ABCB4: variants seen among roughly 807,000 people sequenced by gnomAD.
ABCB4 encodes ATP binding cassette subfamily B member 4, also known as phosphatidylcholine translocator ABCB4.
In ABCB4, 76 loss-of-function variants were observed where a neutral mutation model predicts 145.7. The observed-to-expected ratio is 0.52, with a 90% CI of 0.43 to 0.63. ABCB4 has a LOEUF of 0.63. Among genes scored for constraint, ABCB4 ranks in the 30% least tolerant of loss-of-function variants. The pLI is 0.00. For missense variants in ABCB4, 1,234 were observed against 1,553.1 expected, an observed-to-expected ratio of 0.79 and a Z score of 3.45; for synonymous variants, 517 against 566.8, an observed-to-expected ratio of 0.91 and a Z score of 1.25.
chr7:87,392,684 T>G, the ABCB4 span: 1 of 1,609,978 alleles, frequency 6.2e-7, no homozygotes, highest in South Asian at 1.1e-5. Flanking sequence ...AAATCTCTCA[T>G]GGTGAAAAAT....
At chr7:87,376,610 A>T in the ABCB4 span, among the ~76,000 whole-genome samples, 1 of 152,000 alleles carries the variant, frequency 6.6e-6, no homozygotes, top group Non-Finnish European at 1.5e-5. Flanking sequence ...CAAGGATTGG[A>T]AAACCTTGTA....
At chr7:87,456,892 T>A (rs1186870261) in intron 4 of ABCB4, among the ~76,000 whole-genome samples, 1 of 151,986 alleles carries the variant, frequency 6.6e-6, no homozygotes, top group Non-Finnish European at 1.5e-5. Flanking sequence ...GTGTGTTGCC[T>A]GAAAAGTCAT....
chr7:87,470,539 C>G (rs978911514), intron 3 of ABCB4, among the ~76,000 whole-genome samples: 1 of 151,994 alleles, frequency 6.6e-6, no homozygotes, highest in African/African-American at 2.4e-5. Flanking sequence ...AAAACAACCC[C>G]ACCAACAAGT....
chr7:87,443,712 A>C lies in ABCB4; in HGVS notation c.1181T>G (p.Leu394Trp), dbSNP rs766831242. The C allele has an allele frequency of 6.2e-7, 1 of 1,614,088 alleles. No individual in the cohort carries two copies. The highest frequency in any genetic ancestry group is 1.1e-5 in the South Asian group (1 of 91,076). The change falls in exon 11 of 28, where the codon TTG becomes TGG. Residue 394 changes from leucine to tryptophan, a missense_variant. Leu to Trp is a moderately conservative substitution (Grantham distance 61). Coordinates refer to ENST00000649586, the MANE Select transcript of ABCB4 (RefSeq NM_000443.4). ...GHKPDSIKGN[L>W]EFNDVHFSYP... ...AGAAAAGTGAACATCATTGAACTCCAAATTCCCTTTGATGCTGTCTGGTTT... is the reference window on the plus strand; with the variant it reads ...AGAAAAGTGAACATCATTGAACTCCCAATTCCCTTTGATGCTGTCTGGTTT...
At chr7:87,413,487 T>C (rs1184336143) in intron 22 of ABCB4, 130 bp downstream of exon 22, 3 of 674,190 alleles carry the variant, frequency 4.4e-6, no homozygotes, top group Admixed American at 2.5e-5. Flanking sequence ...AGTGACAGAA[T>C]TGTTGAAAAA....
intron 14 of ABCB4, among the ~76,000 whole-genome samples, chr7:87,436,706 T>A (rs1810632059): frequency 6.6e-6 from 1 of 152,180 alleles, no homozygotes; most frequent in Non-Finnish European, 1.5e-5. Flanking sequence ...GAATCAGGCC[T>A]TAATCAAGAA....
chr7:87,447,355 A>G, intron 8 of ABCB4, 150 bp from the exon 9 acceptor site: 1 of 745,504 alleles, frequency 1.3e-6, no homozygotes. Context: ...TGGGAATTGA[A>G]CTAATTCAGG....
At chr7:87,426,967 G>GTGTGTA in intron 15 of ABCB4, 47 bp from the exon 16 acceptor site, 1 of 1,533,554 alleles carries the variant, frequency 6.5e-7, no homozygotes, top group Non-Finnish European at 9.0e-7. Flanking sequence ...GTGTGTGTGT[G>GTGTGTA]TGTGTGTGTG....
chr7:87,403,058 GTT>G, intron 27 of ABCB4, 75 bp downstream of exon 27: 1 of 1,493,586 alleles, frequency 6.7e-7, no homozygotes, highest in Non-Finnish European at 9.3e-7. Context: ...GCTTGTGTGT[GTT>G]TTTTTCATGG....
the ABCB4 span, among the ~76,000 whole-genome samples, chr7:87,389,307 T>C: frequency 1.3e-5 from 2 of 152,112 alleles, no homozygotes; most frequent in Admixed American, 1.3e-4. Flanking sequence ...CTTTCTACTA[T>C]AAAGATACAT....
downstream of ABCB4, among the ~76,000 whole-genome samples, chr7:87,400,834 C>T (rs1409123993): frequency 6.6e-6 from 1 of 152,190 alleles, no homozygotes; most frequent in African/African-American, 2.4e-5. Context: ...AATACTCAAC[C>T]TATAATGTGT....
At chr7:87,384,716 C>T in the ABCB4 span, among the ~76,000 whole-genome samples, 1 of 152,166 alleles carries the variant, frequency 6.6e-6, no homozygotes, top group East Asian at 1.9e-4. Context: ...TTTTTAACTT[C>T]ATATGATCCC....
chr7:87,439,561 T>A, intron 14 of ABCB4, 106 bp downstream of exon 14: 1 of 1,287,344 alleles, frequency 7.8e-7, no homozygotes, highest in East Asian at 2.3e-5. Flanking sequence ...ATGAGGTAGC[T>A]CCATTTGCTA....
At chr7:87,427,412 A>T (rs1368787581) in intron 15 of ABCB4, among the ~76,000 whole-genome samples, 1 of 152,136 alleles carries the variant, frequency 6.6e-6, no homozygotes, top group Non-Finnish European at 1.5e-5. Context: ...TCCTGCTCTC[A>T]TGCACACAAC....
chr7:87,405,427 C>CTT (rs55698863), intron 26 of ABCB4, among the ~76,000 whole-genome samples: 4,139 of 133,830 alleles, frequency 0.031, 159 homozygotes, highest in African/African-American at 0.053. Flanking sequence ...TGTTCTGTAT[C>CTT]TTTTTTTTTT....
chr7:87,472,734 G>A, intron 2 of ABCB4, 59 bp from the exon 3 acceptor site: 2 of 1,185,452 alleles, frequency 1.7e-6, no homozygotes, highest in Non-Finnish European at 2.5e-6. Context: ...ACAATCAATT[G>A]AACATAAATA....
At chr7:87,376,855 A>C in the ABCB4 span, among the ~76,000 whole-genome samples, 1 of 152,122 alleles carries the variant, frequency 6.6e-6, no homozygotes, top group African/African-American at 2.4e-5. Flanking sequence ...TGATATTTCC[A>C]GTCTATTTTA....
rs1037196284 is a variant in ABCB4, at chr7:87,431,496, C to A, written c.1801G>T (p.Ala601Ser). The A allele has an allele frequency of 1.4e-5, 22 of 1,614,000 alleles. No individual in the cohort carries two copies. Among genetic ancestry groups the A allele is most frequent in the Non-Finnish European group, 1.9e-5 (22 of 1,179,996 alleles). Residue 601 changes from alanine (A) to serine (S), a missense_variant, in exon 15 of 28, where the codon GCT becomes TCT. Physicochemically the swap from Ala to Ser is moderately conservative, Grantham distance 99 (BLOSUM62 1). This residue lies in a region of ABCB4 where 321 missense variants were observed against 332.6 expected (regional missense o/e 0.97). Coordinates refer to ENST00000649586, the MANE Select transcript of ABCB4 (RefSeq NM_000443.4). The part of the protein sequence containing the change: ...LSTVRNADVI[A>S]GFEDGVIVEQ... ...ACAATTACTCCATCCTCAAACCCAG[C>A]GATGACATCTGCATTTCGGACCGTA...
chr7:87,423,814 A>T (rs2116530457), intron 17 of ABCB4, 92 bp downstream of exon 17: 2 of 1,531,856 alleles, frequency 1.3e-6, no homozygotes, highest in South Asian at 2.2e-5. Flanking sequence ...AGGCTGCTTA[A>T]TCCCAGAATG....
Sources: gnomAD v4.1 joint callset for allele counts (sites outside exome capture counted in the v4.1 genomes callset) on GRCh38, gnomAD v4.1.1 for gene constraint, gnomAD v4.1.1 regional missense constraint, MANE v1.5 for transcripts, NCBI Gene and HGNC (gene_info 2026-07-23, HGNC 2026-07-21) for gene names.